CYFIP2: variants seen among roughly 807,000 people sequenced by gnomAD.
The protein encoded by CYFIP2 is cytoplasmic FMR1 interacting protein 2.
CYFIP2 carries 29 observed loss-of-function variants against 158.7 expected under a neutral mutation model. The ratio of observed to expected loss-of-function variants is 0.18; its 90% CI spans 0.14 to 0.25. The LOEUF is 0.25. Among genes scored for constraint, CYFIP2 ranks in the 10% least tolerant of loss-of-function variants. CYFIP2 has a pLI of 1.00. For synonymous variants in CYFIP2, 585 were observed against 617.6 expected (o/e 0.95, Z 0.78); for missense variants, 852 against 1,639.5 (o/e 0.52, Z 8.29).
chr5:157,312,815 T>C (rs187424796), intron 11 of CYFIP2, among the ~76,000 whole-genome samples: 7 of 152,368 alleles, frequency 4.6e-5, no homozygotes, highest in Non-Finnish European at 5.9e-5. Context: ...TACCAATCCG[T>C]TGAACTGAAG....
chr5:157,330,920 A>T, intron 20 of CYFIP2, 70 bp downstream of exon 20: 1 of 1,213,852 alleles, frequency 8.2e-7, no homozygotes. Context: ...TAGCATAGAG[A>T]TCAGAAATCA....
intron 4 of CYFIP2, 51 bp from the exon 5 acceptor site, chr5:157,296,622 T>A (rs1758273068): frequency 6.5e-7 from 1 of 1,541,434 alleles, no homozygotes; most frequent in Non-Finnish European, 9.0e-7. Flanking sequence ...AAAACAGTAA[T>A]AAGACAACAG....
chr5:157,379,668 CAAAAAAAA>C (rs70984468), intron 26 of CYFIP2, among the ~76,000 whole-genome samples: 20 of 73,638 alleles, frequency 2.7e-4, no homozygotes, highest in African/African-American at 7.8e-4. Flanking sequence ...GACCCTGTCT[CAAAAAAAA>C]AAAAAAAAAA....
intron 2 of CYFIP2, among the ~76,000 whole-genome samples, chr5:157,286,815 C>T (rs1052596268): frequency 2.0e-5 from 3 of 152,094 alleles, no homozygotes; most frequent in African/African-American, 7.2e-5. Flanking sequence ...GGGAAGCAGA[C>T]GGCAGACCCT....
chr5:157,343,117 G>A lies in CYFIP2; in HGVS notation c.2673+1960G>A, dbSNP rs1372295676. The stretch of plus-strand genomic sequence containing the variant: ...CCCTGTAAGACCATCGCGGCTCATG[G>A]CAACGGACACACCAGAACTGGAGGC... On this transcript the variant is annotated intron_variant, in intron 23 of 30. Coordinates refer to ENST00000620254, the MANE Select transcript of CYFIP2 (RefSeq NM_001037333.3). The A allele has an allele frequency of 3.1e-6, 5 of 1,614,184 alleles. No homozygotes were observed. The South Asian group carries it at 5.5e-5, about 18-fold the overall frequency.
chr5:157,324,160 A>T, intron 16 of CYFIP2, 86 bp downstream of exon 16: 1 of 1,462,218 alleles, frequency 6.8e-7, no homozygotes, highest in Non-Finnish European at 9.2e-7. Flanking sequence ...CAGGCATTGC[A>T]AAGGGACGTG....
chr5:157,298,279 A>G (rs1280418826), intron 5 of CYFIP2, among the ~76,000 whole-genome samples: 2 of 152,216 alleles, frequency 1.3e-5, no homozygotes, highest in Non-Finnish European at 2.9e-5. Context: ...TGGATAATTT[A>G]GCAGTTGTTA....
chr5:157,294,879 T>G lies in CYFIP2; in HGVS notation c.285+19T>G, dbSNP rs750738814. ...TCCCCAGGTGAGACTGTCCTTGTTGTGTGTCTCTTTCCCCTCCAGAGGGCA... is the reference window on the plus strand; with the variant it reads ...TCCCCAGGTGAGACTGTCCTTGTTGGGTGTCTCTTTCCCCTCCAGAGGGCA... On this transcript the variant is annotated intron_variant, in intron 4 of 30. Transcript: ENST00000620254. The G allele has an allele frequency of 5.0e-6, 8 of 1,606,346 alleles. No homozygotes were observed. The East Asian group carries it at 1.8e-4, about 36-fold the overall frequency.
At chr5:157,360,409 G>A (rs1470719868) in intron 25 of CYFIP2, 37 bp downstream of exon 25, 1 of 1,555,980 alleles carries the variant, frequency 6.4e-7, no homozygotes. Context: ...CCCTCCCATG[G>A]TGGGGAGGGA....
chr5:157,304,198 T>C (rs1278752441), intron 7 of CYFIP2, 40 bp from the exon 8 acceptor site: 1 of 1,592,726 alleles, frequency 6.3e-7, no homozygotes, highest in Non-Finnish European at 8.5e-7. Flanking sequence ...GGGCACAGGA[T>C]ACATGCGCTG....
intron 13 of CYFIP2, among the ~76,000 whole-genome samples, chr5:157,318,017 T>C (rs1284421715): frequency 6.6e-6 from 1 of 152,246 alleles, no homozygotes. Flanking sequence ...CATTCATATA[T>C]CTTCCTCTGT....
rs57171035 is a variant in CYFIP2 at position 157,374,156 on chromosome 5, T to A, written c.3040-8434T>A. ...CTAGTTCACCATGGCTGTCGATCGA[T>A]CCTGCTGCACCTGAATTGGTGTCAG... On this transcript the variant is annotated intron_variant, in intron 26 of 30. Coordinates refer to ENST00000620254, the MANE Select transcript of CYFIP2 (RefSeq NM_001037333.3). 2.9e-3 allele frequency among the ~76,000 whole-genome samples: 449 copies of A among 152,276 alleles called. 4 individuals carry two copies. The highest frequency in any genetic ancestry group is 9.7e-3 in the African/African-American group (404 of 41,550).
Position 157,294,975 on chromosome 5 carries a change from G to C in CYFIP2, c.285+115G>C, listed in dbSNP as rs1383111428. Reference sequence around the variant, plus strand: ...TTTCCACGTGGTAGGGAGTAAAGCAGGTCCTCTTATCCAAGGAAGAACCTG... The same window carrying C: ...TTTCCACGTGGTAGGGAGTAAAGCACGTCCTCTTATCCAAGGAAGAACCTG... On this transcript the variant is annotated intron_variant, in intron 4 of 30. Transcript: ENST00000620254. The C allele has an allele frequency of 1.2e-5, 9 of 735,840 alleles. No homozygotes were observed. The East Asian group carries it at 2.5e-4, about 20-fold the overall frequency. 45.6% of individuals were successfully genotyped at this position (735,840 alleles called of 1,614,324 possible).
rs1024107788 is a variant in CYFIP2, at chr5:157,393,888, G to A, written c.*888G>A. ...AAATTAGGGACAACGTCTTGGCACA[G>A]AATTGCTTATCAAGGAACATTTCCA... On this transcript the variant is annotated 3_prime_UTR_variant, in exon 31 of 31. Transcript: ENST00000620254. The A allele has an allele frequency of 2.0e-5, 3 of 152,174 alleles. No individual in the cohort carries two copies. Among genetic ancestry groups the A allele is most frequent in the Non-Finnish European group, 4.4e-5 (3 of 68,036 alleles). The allele number at this position is 152,174 out of a possible 1,614,324, so 9.4% of individuals were successfully genotyped here.
intron 26 of CYFIP2, chr5:157,376,182 A>G (rs1470547308): frequency 6.6e-6 from 1 of 152,358 alleles, no homozygotes; most frequent in East Asian, 1.9e-4. Context: ...CTTTTATTCA[A>G]CACACATTTT....
intron 16 of CYFIP2, 77 bp from the exon 17 acceptor site, chr5:157,325,405 A>G (rs1760945906): frequency 1.4e-6 from 2 of 1,437,020 alleles, no homozygotes; most frequent in African/African-American, 2.9e-5. Context: ...AATAACAATG[A>G]AAATTAATAA....
At chr5:157,349,175 G>A (rs1350251737) in intron 23 of CYFIP2, among the ~76,000 whole-genome samples, 4 of 151,952 alleles carry the variant, frequency 2.6e-5, no homozygotes, top group African/African-American at 7.3e-5. Flanking sequence ...TTTTGGTTAC[G>A]TAGATTAATT....
At chr5:157,295,052 G>A (rs1397185088) in intron 4 of CYFIP2, among the ~76,000 whole-genome samples, 192 bp downstream of exon 4, 2 of 152,176 alleles carry the variant, frequency 1.3e-5, no homozygotes, top group African/African-American at 2.4e-5. Flanking sequence ...CGCATGTCGA[G>A]GGACTTAAAA....
chr5:157,363,106 TGCC>T (rs1763989777), intron 26 of CYFIP2: 1 of 152,438 alleles, frequency 6.6e-6, no homozygotes, highest in East Asian at 1.9e-4. Context: ...GTATTTGCTC[TGCC>T]TCATGGCTGA....
Sources: gnomAD v4.1 joint callset for allele counts (sites outside exome capture counted in the v4.1 genomes callset) on GRCh38, gnomAD v4.1.1 for gene constraint, MANE v1.5 for transcripts, NCBI Gene and HGNC (gene_info 2026-07-23, HGNC 2026-07-21) for gene names.